The following CACNA2D1 variants were observed in gnomAD, a reference collection of about 807,000 sequenced individuals.
The protein encoded by CACNA2D1 is calcium voltage-gated channel auxiliary subunit alpha2delta 1.
A neutral mutation model predicts 171.5 loss-of-function variants in CACNA2D1; 53 were observed. The ratio of observed to expected loss-of-function variants is 0.31; its 90% CI spans 0.25 to 0.39. CACNA2D1 has a LOEUF of 0.39. Among genes scored for constraint, CACNA2D1 ranks in the 10% least tolerant of loss-of-function variants. CACNA2D1 has a pLI of 1.00. For missense variants in CACNA2D1, 903 were observed against 1,299.8 expected, an observed-to-expected ratio of 0.69 and a Z score of 4.69; for synonymous variants, 442 against 443.1, an observed-to-expected ratio of 1.00 and a Z score of 0.03.
intron 3 of CACNA2D1, among the ~76,000 whole-genome samples, chr7:82,236,840 T>C (rs902997353): frequency 3.3e-5 from 5 of 152,074 alleles, no homozygotes; most frequent in Admixed American, 2.6e-4. Flanking sequence ...TAAAACTAAT[T>C]TACCACCTAC....
At chr7:82,168,205 A>G (rs370271533) in intron 4 of CACNA2D1, among the ~76,000 whole-genome samples, 1 of 152,036 alleles carries the variant, frequency 6.6e-6, no homozygotes, top group East Asian at 1.9e-4. Context: ...GTACAGTGTC[A>G]TGATCTTGGC....
intron 1 of CACNA2D1, chr7:82,410,533 G>A (rs1429119666): frequency 6.1e-6 from 6 of 985,146 alleles, no homozygotes; most frequent in African/African-American, 1.7e-5. Flanking sequence ...GAAGGTGCAC[G>A]CTACATCAGG....
At chr7:82,260,843 T>C (rs555460761) in intron 3 of CACNA2D1, among the ~76,000 whole-genome samples, 1 of 152,320 alleles carries the variant, frequency 6.6e-6, no homozygotes, top group East Asian at 1.9e-4. Context: ...CAAACTTAAA[T>C]GGTTTTCTAA....
At position 81,974,629 on chromosome 7, in the gene CACNA2D1, AT is replaced by A. The variant is rs61006565; in HGVS notation, c.1956-78del. ...GGTAATTAAAGGTAGTGAAAACACT[AT>A]TTTTTTTTTTTATTAGCCACAAGAC... On this transcript the variant is annotated intron_variant, in intron 24 of 38. Transcript: ENST00000356860. 0.64 allele frequency: 364,250 copies of A among 572,364 alleles called. 94,463 individuals carry two copies. The highest frequency in any genetic ancestry group is 0.67 in the Admixed American group (23,956 of 35,930). The allele number at this position is 572,364 out of a possible 1,614,324, so 35.5% of individuals were successfully genotyped here. A position where few individuals can be genotyped will look rare whatever the true frequency, so the allele number is the denominator to read the frequency against.
At chr7:82,306,065 G>T (rs1453332086) in intron 3 of CACNA2D1, among the ~76,000 whole-genome samples, 1 of 152,096 alleles carries the variant, frequency 6.6e-6, no homozygotes, top group Admixed American at 6.5e-5. Context: ...TATATATTTT[G>T]GAATATTCAT....
intron 12 of CACNA2D1, among the ~76,000 whole-genome samples, chr7:82,021,506 G>A (rs1447944514): frequency 7.9e-5 from 12 of 152,010 alleles, no homozygotes; most frequent in African/African-American, 2.4e-4. Flanking sequence ...TAACATTTAT[G>A]AATTTTGTAT....
intron 1 of CACNA2D1, among the ~76,000 whole-genome samples, chr7:82,438,562 T>C (rs1419337041): frequency 6.6e-6 from 1 of 152,182 alleles, no homozygotes; most frequent in Non-Finnish European, 1.5e-5. Flanking sequence ...TTTACATGTT[T>C]CAGTGCACAT....
intron 3 of CACNA2D1, among the ~76,000 whole-genome samples, chr7:82,175,053 A>G (rs374642164): frequency 2.6e-4 from 39 of 152,100 alleles, no homozygotes; most frequent in African/African-American, 8.9e-4. Flanking sequence ...ATCCACATAT[A>G]TTTTTCCAAA....
intron 1 of CACNA2D1, among the ~76,000 whole-genome samples, chr7:82,430,052 A>G (rs1280033182): frequency 1.3e-5 from 2 of 152,170 alleles, no homozygotes; most frequent in Non-Finnish European, 2.9e-5. Flanking sequence ...TGGTATTTTT[A>G]AAGTGACAAA....
intron 1 of CACNA2D1, among the ~76,000 whole-genome samples, chr7:82,407,347 G>C (rs973394704): frequency 1.6e-4 from 25 of 152,188 alleles, no homozygotes; most frequent in Non-Finnish European, 4.4e-5. Context: ...AGTAAGATAT[G>C]AGTACACCAA....
rs1810907053 is a variant in CACNA2D1, at chr7:82,089,745, T to C, written c.527-4845A>G. On this transcript the variant is annotated intron_variant, in intron 6 of 38. Transcript: ENST00000356860. ...AGACACGACTCTTCTATCTATATCT[T>C]GTTTATGACAAGGAATACAGAATAT... 2.0e-5 allele frequency among the ~76,000 whole-genome samples: 3 copies of C among 152,214 alleles called. No homozygotes were observed. In the South Asian group the frequency reaches 6.2e-4, roughly 31 times the overall value.
intron 21 of CACNA2D1, among the ~76,000 whole-genome samples, chr7:81,989,735 A>G (rs755861032): frequency 6.6e-6 from 1 of 152,198 alleles, no homozygotes; most frequent in Non-Finnish European, 1.5e-5. Flanking sequence ...GAATTTAACC[A>G]GGACTGGTAT....
chr7:82,013,817 T>C (rs1292113032), intron 13 of CACNA2D1, among the ~76,000 whole-genome samples: 1 of 151,794 alleles, frequency 6.6e-6, no homozygotes, highest in South Asian at 2.1e-4. Flanking sequence ...TAAAGATGCA[T>C]GATGGATAAT....
At chr7:82,091,270 G>T (rs117723216) in intron 6 of CACNA2D1, among the ~76,000 whole-genome samples, 1 of 152,130 alleles carries the variant, frequency 6.6e-6, no homozygotes, top group Non-Finnish European at 1.5e-5. Context: ...AATCCACCTC[G>T]CACTGAGGAT....
At chr7:82,063,362 T>A (rs1807189526) in intron 9 of CACNA2D1, among the ~76,000 whole-genome samples, 1 of 152,150 alleles carries the variant, frequency 6.6e-6, no homozygotes. Flanking sequence ...AGAAATAAAA[T>A]AAGAATTAAC....
chr7:82,100,337 GTTT>G (rs1356680988), intron 6 of CACNA2D1, among the ~76,000 whole-genome samples: 2 of 151,924 alleles, frequency 1.3e-5, no homozygotes, highest in East Asian at 1.9e-4. Context: ...TTCATATAAA[GTTT>G]TTTATTTTAA....
At chr7:82,001,505 T>C (rs1334976200) in intron 18 of CACNA2D1, among the ~76,000 whole-genome samples, 1 of 152,202 alleles carries the variant, frequency 6.6e-6, no homozygotes, top group Non-Finnish European at 1.5e-5. Flanking sequence ...TTGCTCCAGC[T>C]TATTAAGAAA....
At chr7:82,309,763 C>T (rs985330651) in intron 3 of CACNA2D1, among the ~76,000 whole-genome samples, 5 of 152,118 alleles carry the variant, frequency 3.3e-5, no homozygotes, top group Non-Finnish European at 5.9e-5. Context: ...ATGTTCACAC[C>T]TCTGTCCTCT....
At chr7:82,227,320 G>A (rs1001062465) in intron 3 of CACNA2D1, among the ~76,000 whole-genome samples, 5 of 152,112 alleles carry the variant, frequency 3.3e-5, no homozygotes, top group African/African-American at 9.7e-5. Context: ...TTTAAGAGCC[G>A]AGATACACAA....
Sources: gnomAD v4.1 joint callset for allele counts (sites outside exome capture counted in the v4.1 genomes callset) on GRCh38, gnomAD v4.1.1 for gene constraint, MANE v1.5 for transcripts, NCBI Gene and HGNC (gene_info 2026-07-23, HGNC 2026-07-21) for gene names.